The following TRAPPC9 variants were observed in gnomAD, a reference collection of about 807,000 sequenced individuals.
TRAPPC9 encodes the protein trafficking protein particle complex subunit 9.
Under a neutral mutation model 124.0 loss-of-function variants are expected in TRAPPC9, and 83 were observed. The observed-to-expected ratio is 0.67, with a 90% CI of 0.56 to 0.80. The LOEUF is 0.80. Ranked by LOEUF, TRAPPC9 falls within the 30% of genes least tolerant of loss-of-function variation. The probability of loss-of-function intolerance (pLI) is 0.00; values close to 1 mark genes in which losing one functional copy is unlikely to be tolerated. For synonymous variants in TRAPPC9, 638 were observed against 617.5 expected (o/e 1.03, Z -0.49); for missense variants, 1,302 against 1,508.3 (o/e 0.86, Z 2.27).
intron 17 of TRAPPC9, among the ~76,000 whole-genome samples, chr8:140,069,899 C>T (rs1419567869): frequency 1.3e-5 from 2 of 152,026 alleles, no homozygotes; most frequent in Non-Finnish European, 2.9e-5. Context: ...TCCAAAGGCC[C>T]GGGAGCCCAA....
intron 21 of TRAPPC9, among the ~76,000 whole-genome samples, chr8:139,743,984 C>T (rs1277987192): frequency 2.0e-5 from 3 of 152,156 alleles, no homozygotes; most frequent in South Asian, 2.1e-4. Flanking sequence ...CTTCAGTGAC[C>T]GTACACTCAC....
intron 18 of TRAPPC9, among the ~76,000 whole-genome samples, chr8:140,001,486 GCAGA>G (rs1273086321): frequency 3.3e-5 from 5 of 151,956 alleles, no homozygotes; most frequent in Admixed American, 2.0e-4. Context: ...TAAAATGAAA[GCAGA>G]CAAATAGAAA....
chr8:140,262,311 G>A (rs1461887403), intron 15 of TRAPPC9, among the ~76,000 whole-genome samples: 2 of 152,100 alleles, frequency 1.3e-5, no homozygotes, highest in African/African-American at 2.4e-5. Flanking sequence ...CAAGTGGCAG[G>A]CCAGACACCT....
At chr8:139,998,515 G>A (rs539068906) in intron 18 of TRAPPC9, among the ~76,000 whole-genome samples, 6 of 152,240 alleles carry the variant, frequency 3.9e-5, no homozygotes, top group Non-Finnish European at 5.9e-5. Context: ...TCAGGAGATC[G>A]AGACCATCCT....
In TRAPPC9 at chr8:139,729,902, G is replaced by A. The variant is rs927196896; in HGVS notation, c.*1159C>T. Among the ~76,000 whole-genome samples, 1 of 152,160 alleles carries A rather than the reference G, an allele frequency of 6.6e-6. No homozygotes were observed. The highest frequency in any genetic ancestry group is 2.4e-5 in the African/African-American group (1 of 41,442). Reference sequence around the variant, plus strand: ...CACCTGACGAGCCTGGTATCTGCTGGGGACCAAGGGCTGTTTATCCTCCCT... The same window carrying A: ...CACCTGACGAGCCTGGTATCTGCTGAGGACCAAGGGCTGTTTATCCTCCCT... On this transcript the variant is annotated 3_prime_UTR_variant, in exon 23 of 23. Coordinates refer to ENST00000438773, the MANE Select transcript of TRAPPC9 (RefSeq NM_001160372.4).
intron 19 of TRAPPC9, among the ~76,000 whole-genome samples, chr8:139,972,627 C>A (rs905735438): frequency 2.6e-5 from 4 of 152,276 alleles, no homozygotes; most frequent in African/African-American, 9.6e-5. Context: ...CCAGACACCA[C>A]AGCCCTGGCC....
At chr8:140,183,374 C>A (rs1402107269) in intron 17 of TRAPPC9, among the ~76,000 whole-genome samples, 1 of 152,204 alleles carries the variant, frequency 6.6e-6, no homozygotes, top group African/African-American at 2.4e-5. Context: ...GAGAGACCAT[C>A]AAGTCCAATG....
chr8:140,457,514 C>T (rs1204447158), intron 1 of TRAPPC9, 125 bp downstream of exon 1: 2 of 813,804 alleles, frequency 2.5e-6, no homozygotes, highest in Middle Eastern at 6.2e-4. Context: ...TGGCGGGCTC[C>T]GCCCGGACAG....
chr8:139,826,704 G>A (rs970821365), intron 21 of TRAPPC9, among the ~76,000 whole-genome samples: 11 of 152,200 alleles, frequency 7.2e-5, no homozygotes, highest in Admixed American at 1.3e-4. Context: ...AGTTGACGCC[G>A]TTCCTGTGGA....
At chr8:140,161,807 G>A (rs952575207) in intron 17 of TRAPPC9, among the ~76,000 whole-genome samples, 2 of 152,118 alleles carry the variant, frequency 1.3e-5, no homozygotes, top group African/African-American at 2.4e-5. Flanking sequence ...GGGAGAATGG[G>A]AGGGAAGGAG....
chr8:139,780,383 G>A (rs542077665), intron 21 of TRAPPC9, among the ~76,000 whole-genome samples: 77 of 152,262 alleles, frequency 5.1e-4, no homozygotes, highest in African/African-American at 1.8e-3. Flanking sequence ...ACTCATGTCT[G>A]TATCATAAAC....
At chr8:140,113,231 T>C (rs1015131577) in intron 17 of TRAPPC9, among the ~76,000 whole-genome samples, 2 of 152,180 alleles carry the variant, frequency 1.3e-5, no homozygotes, top group Admixed American at 6.5e-5. Context: ...AGAGGGTGCT[T>C]CATTTCAGGG....
At chr8:140,095,612 C>T (rs891532423) in intron 17 of TRAPPC9, 50 of 152,118 alleles carry the variant, frequency 3.3e-4, no homozygotes, top group African/African-American at 1.0e-3. Flanking sequence ...AAAATCAACC[C>T]CCACCAAAGA....
chr8:139,897,130 A>G (rs1462677505), intron 20 of TRAPPC9, among the ~76,000 whole-genome samples: 1 of 152,236 alleles, frequency 6.6e-6, no homozygotes, highest in Non-Finnish European at 1.5e-5. Context: ...GCCCACAGGC[A>G]GTTTCTAACA....
chr8:140,217,606 CA>C (rs2063226624), intron 17 of TRAPPC9, among the ~76,000 whole-genome samples: 1 of 122,424 alleles, frequency 8.2e-6, no homozygotes, highest in Non-Finnish European at 2.1e-5. Flanking sequence ...TTTACAGACA[CA>C]TGTAAACACC....
At chr8:139,876,248 G>T (rs950830178) in intron 21 of TRAPPC9, among the ~76,000 whole-genome samples, 2 of 152,232 alleles carry the variant, frequency 1.3e-5, no homozygotes, top group Non-Finnish European at 2.9e-5. Flanking sequence ...CAGAGCACTG[G>T]CTGCTGGCAC....
Position 140,054,811 on chromosome 8 carries a change from G to A in TRAPPC9, c.2557-30732C>T, listed in dbSNP as rs1018449666. 5.3e-5 allele frequency among the ~76,000 whole-genome samples: 8 copies of A among 151,250 alleles called. No homozygotes were observed. The East Asian group carries it at 5.8e-4, about 11-fold the overall frequency. On this transcript the variant is annotated intron_variant, in intron 17 of 22. Coordinates refer to ENST00000438773, the MANE Select transcript of TRAPPC9 (RefSeq NM_001160372.4). Reference sequence around the variant, plus strand: ...ATAACCTATGAGAAATGGCTACATCGTAAAAAAAAAACACAAAACCTACCA... The same window carrying A: ...ATAACCTATGAGAAATGGCTACATCATAAAAAAAAAACACAAAACCTACCA...
chr8:140,311,710 A>G (rs1208233564), intron 9 of TRAPPC9, among the ~76,000 whole-genome samples: 2 of 152,116 alleles, frequency 1.3e-5, no homozygotes, highest in Non-Finnish European at 1.5e-5. Context: ...TAACTTAACC[A>G]TACTTTTTCA....
At chr8:140,319,521 G>T (rs1331032204) in intron 9 of TRAPPC9, among the ~76,000 whole-genome samples, 1 of 151,238 alleles carries the variant, frequency 6.6e-6, no homozygotes, top group Non-Finnish European at 1.5e-5. Context: ...TGTCGCCTAG[G>T]CTGGAGTACA....
Sources: allele counts gnomAD v4.1 joint callset (sites outside exome capture counted in the v4.1 genomes callset), GRCh38; gene constraint gnomAD v4.1.1; transcripts MANE v1.5; gene names NCBI Gene and HGNC (gene_info 2026-07-23, HGNC 2026-07-21).